PCDHA1: variants seen among roughly 807,000 people sequenced by gnomAD.
PCDHA1 encodes the protein protocadherin alpha 1.
Under a neutral mutation model 61.3 loss-of-function variants are expected in PCDHA1, and 42 were observed. That is an observed-to-expected ratio of 0.69 (90% CI 0.54 to 0.89). PCDHA1 has a LOEUF of 0.89. Among genes scored for constraint, PCDHA1 ranks in the 40% least tolerant of loss-of-function variants. The probability of loss-of-function intolerance (pLI) is 0.00; values close to 1 mark genes in which losing one functional copy is unlikely to be tolerated. For missense variants in PCDHA1, 1,256 were observed against 1,235.3 expected (o/e 1.02, Z -0.25); for synonymous variants, 610 against 553.8 (o/e 1.10, Z -1.43).
At chr5:140,796,532 T>A (rs782562923) in intron 1 of PCDHA1, 1 of 1,612,744 alleles carries the variant, frequency 6.2e-7, no homozygotes, top group Non-Finnish European at 8.5e-7. Context: ...CTGCAGCCGC[T>A]GGACCACGAG....
chr5:140,797,438 A>G (rs1554120439), intron 1 of PCDHA1: 3 of 1,385,898 alleles, frequency 2.2e-6, no homozygotes, highest in South Asian at 2.6e-5. Context: ...TTAGATTCAT[A>G]GTTCTTCATT....
At chr5:140,797,210 C>A in intron 1 of PCDHA1, 1 of 1,614,196 alleles carries the variant, frequency 6.2e-7, no homozygotes, top group African/African-American at 1.3e-5. Context: ...GGGAGCTGGT[C>A]TTACTCGCAG....
At chr5:140,805,505 T>C in intron 1 of PCDHA1, 1 of 988,922 alleles carries the variant, frequency 1.0e-6, no homozygotes. Context: ...TTTCACTAGA[T>C]TGATTTTTTG....
At chr5:140,873,210 A>G (rs1372631390) in intron 1 of PCDHA1, among the ~76,000 whole-genome samples, 2 of 152,208 alleles carry the variant, frequency 1.3e-5, no homozygotes, top group African/African-American at 4.8e-5. Flanking sequence ...TTCTTTAAGT[A>G]TTAAAGAGAA....
Position 140,796,096 on chromosome 5 carries a change from G to A in PCDHA1, c.2394+7412G>A, listed in dbSNP as rs782629565. The A allele has an allele frequency of 1.9e-6, 3 of 1,614,046 alleles. No individual in the cohort carries two copies. In the South Asian group the frequency reaches 3.3e-5, roughly 18 times the overall value. ...TGCTCTCATCACGGTGTCGGATCGC[G>A]ACTCTGGTACGAATGGACATGTCAC... On this transcript the variant is annotated intron_variant, in intron 1 of 3. Transcript: ENST00000504120.
At chr5:140,829,054 C>T in intron 1 of PCDHA1, 1 of 1,612,720 alleles carries the variant, frequency 6.2e-7, no homozygotes, top group Middle Eastern at 1.7e-4. Flanking sequence ...TCCTCATTGA[C>T]GCCACGGACA....
intron 1 of PCDHA1, among the ~76,000 whole-genome samples, chr5:140,960,605 A>G (rs1405858302): frequency 6.6e-6 from 1 of 152,184 alleles, no homozygotes; most frequent in Non-Finnish European, 1.5e-5. Flanking sequence ...TACTTCAACA[A>G]TATCTAGTGT....
At chr5:140,856,295 T>C (rs782325790) in intron 1 of PCDHA1, 3 of 1,598,412 alleles carry the variant, frequency 1.9e-6, no homozygotes, top group Admixed American at 1.7e-5. Context: ...GAATGGCATT[T>C]TGTTTGTGAA....
At chr5:140,803,842 A>G (rs1293564030) in intron 1 of PCDHA1, 6 of 602,420 alleles carry the variant, frequency 1.0e-5, no homozygotes, top group Non-Finnish European at 1.7e-5. Context: ...GAATTATTTT[A>G]TTGCTAAATG....
chr5:140,925,026 G>A (rs1440774987), intron 1 of PCDHA1, among the ~76,000 whole-genome samples: 1 of 151,826 alleles, frequency 6.6e-6, no homozygotes, highest in Non-Finnish European at 1.5e-5. Flanking sequence ...TGGGAGGATC[G>A]CTTGAGCCCA....
chr5:140,808,937 T>C, intron 1 of PCDHA1: 1 of 1,613,600 alleles, frequency 6.2e-7, no homozygotes, highest in Non-Finnish European at 8.5e-7. Flanking sequence ...GGTGCCATGG[T>C]CGGTGGGTGT....
chr5:140,801,137 C>T (rs1357728737), intron 1 of PCDHA1: 5 of 1,524,932 alleles, frequency 3.3e-6, no homozygotes, highest in East Asian at 4.5e-5. Context: ...ATAAGGAACT[C>T]GAATTATTTT....
At chr5:140,886,923 A>G (rs2061226884) in intron 1 of PCDHA1, among the ~76,000 whole-genome samples, 1 of 151,812 alleles carries the variant, frequency 6.6e-6, no homozygotes, top group Non-Finnish European at 1.5e-5. Context: ...AGTGTTCTCT[A>G]TGTGCCAGGC....
chr5:140,896,762 T>C (rs1408695272), intron 1 of PCDHA1, among the ~76,000 whole-genome samples: 1 of 152,224 alleles, frequency 6.6e-6, no homozygotes, highest in Non-Finnish European at 1.5e-5. Context: ...TAGACCTTTG[T>C]TGGATGCATA....
rs1190027185 is a variant in PCDHA1, at chr5:140,882,058, C to T, written c.2394+93374C>T. On this transcript the variant is annotated intron_variant, in intron 1 of 3. Transcript: ENST00000504120. ...GAAGACTGAGTCATACTTACACTTA[C>T]ACGTTCATGCGCATGGTGTCGCTCT... is the stretch of plus-strand genomic sequence containing the variant. 1.0e-5 allele frequency: 8 copies of T among 794,854 alleles called. No individual in the cohort carries two copies. The Admixed American group carries it at 2.4e-4, about 24-fold the overall frequency. The allele number at this position is 794,854 out of a possible 1,614,324, so 49.2% of individuals were successfully genotyped here.
intron 1 of PCDHA1, among the ~76,000 whole-genome samples, chr5:140,896,285 G>T (rs1392495241): frequency 1.3e-5 from 2 of 152,202 alleles, no homozygotes; most frequent in African/African-American, 2.4e-5. Context: ...GGCTTGAATG[G>T]TAAGTTCTTT....
chr5:140,790,276 C>T (rs1319293287), intron 1 of PCDHA1, among the ~76,000 whole-genome samples: 5 of 152,174 alleles, frequency 3.3e-5, no homozygotes, highest in Non-Finnish European at 7.4e-5. Context: ...ATTTGGTAGT[C>T]ATTCAGTCAA....
chr5:140,877,220 G>C (rs560974692), intron 1 of PCDHA1: 2 of 1,613,740 alleles, frequency 1.2e-6, no homozygotes, highest in East Asian at 2.2e-5. Context: ...TTGGTACCGC[G>C]GTCGGTGGGT....
rs150142414 is a variant in PCDHA1, at chr5:140,941,961, T to C, written c.2395-36988T>C. 4.6e-3 allele frequency among the ~76,000 whole-genome samples: 702 copies of C among 152,326 alleles called. 3 individuals are homozygous for C. Among genetic ancestry groups the C allele is most frequent in the African/African-American group, 0.016 (679 of 41,550 alleles). On this transcript the variant is annotated intron_variant, in intron 1 of 3. Transcript: ENST00000504120. Reference sequence around the variant, plus strand: ...TACTTTTGTTTTGAAAACAATAGTATCTTTACTTTCCCTAAACCTTGATAA... The same window carrying C: ...TACTTTTGTTTTGAAAACAATAGTACCTTTACTTTCCCTAAACCTTGATAA...
Sources: allele counts gnomAD v4.1 joint callset (sites outside exome capture counted in the v4.1 genomes callset), GRCh38; gene constraint gnomAD v4.1.1; transcripts MANE v1.5; gene names NCBI Gene and HGNC (gene_info 2026-07-23, HGNC 2026-07-21).